ERC1: variants seen among roughly 807,000 people sequenced by gnomAD.
The protein encoded by ERC1 is ELKS/RAB6-interacting/CAST family member 1.
A neutral mutation model predicts 132.0 loss-of-function variants in ERC1; 56 were observed. The observed-to-expected ratio is 0.42, with a 90% CI of 0.34 to 0.53. ERC1 has a LOEUF of 0.53. Ranked by LOEUF, ERC1 falls within the 20% of genes least tolerant of loss-of-function variation. The pLI is 0.03. For synonymous variants in ERC1, 478 were observed against 476.1 expected (o/e 1.00, Z -0.05); for missense variants, 1,202 against 1,349.9 (o/e 0.89, Z 1.72).
intron 8 of ERC1, among the ~76,000 whole-genome samples, chr12:1,179,669 G>A (rs1027924718): frequency 4.6e-5 from 7 of 151,730 alleles, no homozygotes; most frequent in Non-Finnish European, 8.8e-5. Flanking sequence ...CACTACGCCC[G>A]GCTAATTTTT....
At chr12:1,209,062 A>G (rs1348718588) in intron 12 of ERC1, among the ~76,000 whole-genome samples, 1 of 139,242 alleles carries the variant, frequency 7.2e-6, no homozygotes, top group African/African-American at 2.7e-5. Context: ...TCTACCTCCC[A>G]GGTTCAGGCA....
intron 8 of ERC1, among the ~76,000 whole-genome samples, chr12:1,176,164 G>A (rs1036857782): frequency 2.0e-5 from 3 of 152,196 alleles, no homozygotes; most frequent in Non-Finnish European, 1.5e-5. Context: ...TAACTAGTAA[G>A]ACTAGAAATC....
Position 1,493,548 on chromosome 12 carries a change from A to AAAAATATAT in ERC1, c.*3319_*3320insAAATATATA, listed in dbSNP as rs56939346. ...ACTCCATTTAAAAAAAAAAAAAAAA[A>AAAAATATAT]ATATATATATATATATATATATATA... On this transcript the variant is annotated 3_prime_UTR_variant, in exon 19 of 19. Transcript: ENST00000360905. 1.1e-3 allele frequency: 15 copies of AAAAATATAT among 13,616 alleles called. No homozygotes were observed. Among genetic ancestry groups the AAAAATATAT allele is most frequent in the African/African-American group, 2.6e-3 (12 of 4,558 alleles). The allele number at this position is 13,616 out of a possible 1,614,324, so 0.8% of individuals were successfully genotyped here.
chr12:1,243,271 C>G (rs535181199), intron 13 of ERC1, among the ~76,000 whole-genome samples: 1 of 151,692 alleles, frequency 6.6e-6, no homozygotes, highest in Non-Finnish European at 1.5e-5. Flanking sequence ...AGATTATCTG[C>G]AAATACGACA....
chr12:1,195,996 T>C (rs1302113138), intron 12 of ERC1, among the ~76,000 whole-genome samples: 1 of 148,852 alleles, frequency 6.7e-6, no homozygotes, highest in Non-Finnish European at 1.5e-5. Context: ...CCTGACCAAA[T>C]TGGGGTTTCT....
At chr12:1,015,585 G>A (rs112911961) in intron 1 of ERC1, among the ~76,000 whole-genome samples, 4,301 of 152,248 alleles carry the variant, frequency 0.028, 83 homozygotes, top group South Asian at 0.092. Flanking sequence ...TTTTTAAAGT[G>A]AAACTTCTAG....
At chr12:1,440,330 G>C (rs112319943) in intron 17 of ERC1, among the ~76,000 whole-genome samples, 21 of 143,980 alleles carry the variant, frequency 1.5e-4, no homozygotes, top group Non-Finnish European at 2.6e-4. Flanking sequence ...TCAGCCTCCC[G>C]AGTAGCTGGG....
intron 13 of ERC1, among the ~76,000 whole-genome samples, chr12:1,255,639 T>TG (rs1566399777): frequency 5.3e-5 from 7 of 133,246 alleles, no homozygotes; most frequent in African/African-American, 1.7e-4. Flanking sequence ...TTTTTTTTTT[T>TG]TTTTTTTTTT....
intron 18 of ERC1, among the ~76,000 whole-genome samples, chr12:1,484,008 A>C (rs1014289490): frequency 4.6e-5 from 7 of 151,230 alleles, no homozygotes; most frequent in Non-Finnish European, 1.0e-4. Context: ...TGAGGTCTTT[A>C]AAAAATCTTT....
rs148630726 is a variant in ERC1, at chr12:1,420,530, G to A, written c.3024+12283G>A. ...TAGTGCAGTGGCACAATCTCGGCTC[G>A]CTACAAGCTCTGCCTCCCGAGTTCA... On this transcript the variant is annotated intron_variant, in intron 17 of 18. Coordinates refer to ENST00000360905, the MANE Select transcript of ERC1 (RefSeq NM_178040.4). 4.0e-3 allele frequency among the ~76,000 whole-genome samples: 601 copies of A among 152,130 alleles called. 4 individuals are homozygous for A. Among genetic ancestry groups the A allele is most frequent in the African/African-American group, 0.014 (578 of 41,500 alleles).
At chr12:1,028,939 T>C (rs999034941) in intron 2 of ERC1, among the ~76,000 whole-genome samples, 2 of 152,042 alleles carry the variant, frequency 1.3e-5, no homozygotes, top group African/African-American at 4.8e-5. Flanking sequence ...AGTAGGTAAC[T>C]TAAATGTAAG....
At chr12:1,452,451 C>A (rs2093445447) in intron 18 of ERC1, among the ~76,000 whole-genome samples, 1 of 152,106 alleles carries the variant, frequency 6.6e-6, no homozygotes, top group Non-Finnish European at 1.5e-5. Context: ...ATTCTCTGAG[C>A]CCCTGCTCTG....
chr12:1,421,431 G>A lies in ERC1; in HGVS notation c.3024+13184G>A, dbSNP rs374405272. Among the ~76,000 whole-genome samples, 215 of 152,242 alleles carry A rather than the reference G, an allele frequency of 1.4e-3. 1 individual carries two copies. The highest frequency in any genetic ancestry group is 4.7e-3 in the African/African-American group (195 of 41,528). On this transcript the variant is annotated intron_variant, in intron 17 of 18. Transcript: ENST00000360905. ...TTTAGCAGGCTGAGGGCTAAGGAAC[G>A]GGTACTGCTGATTGGTTGGGGTTGC...
chr12:1,352,075 C>T (rs2085051655), intron 15 of ERC1, among the ~76,000 whole-genome samples: 1 of 152,122 alleles, frequency 6.6e-6, no homozygotes, highest in South Asian at 2.1e-4. Flanking sequence ...ACCCAATTCT[C>T]CCCAGAGTTT....
chr12:1,482,687 T>C (rs1235180761), intron 18 of ERC1, among the ~76,000 whole-genome samples: 2 of 152,140 alleles, frequency 1.3e-5, no homozygotes, highest in Admixed American at 1.3e-4. Context: ...TCTCAAGTGA[T>C]CCACCTGCCT....
intron 13 of ERC1, 132 bp downstream of exon 13, chr12:1,237,036 C>A: frequency 9.4e-7 from 1 of 1,064,206 alleles, no homozygotes; most frequent in Non-Finnish European, 1.3e-6. Flanking sequence ...CCTCTCAGAC[C>A]AACTGTTTAG....
At chr12:1,132,422 T>C (rs1217267443) in intron 7 of ERC1, among the ~76,000 whole-genome samples, 1 of 152,236 alleles carries the variant, frequency 6.6e-6, no homozygotes, top group Non-Finnish European at 1.5e-5. Flanking sequence ...AGAGTTCTTA[T>C]TCTTTCCCTT....
chr12:1,145,432 T>C (rs919753636), intron 8 of ERC1, among the ~76,000 whole-genome samples: 2 of 152,180 alleles, frequency 1.3e-5, no homozygotes, highest in Non-Finnish European at 2.9e-5. Context: ...GGATTATTTG[T>C]TTTTTACTTG....
At chr12:1,280,139 C>G (rs1482827643) in intron 14 of ERC1, among the ~76,000 whole-genome samples, 5 of 152,126 alleles carry the variant, frequency 3.3e-5, no homozygotes, top group Admixed American at 3.3e-4. Flanking sequence ...GCTCTTATTT[C>G]TTTTCTCCTA....
Sources: gnomAD v4.1 joint callset for allele counts (sites outside exome capture counted in the v4.1 genomes callset) on GRCh38, gnomAD v4.1.1 for gene constraint, MANE v1.5 for transcripts, NCBI Gene and HGNC (gene_info 2026-07-23, HGNC 2026-07-21) for gene names.